CACNA1D: variants seen among roughly 807,000 people sequenced by gnomAD.
CACNA1D encodes the protein voltage-dependent L-type calcium channel subunit alpha-1D.
Under a neutral mutation model 257.1 loss-of-function variants are expected in CACNA1D, and 55 were observed. The ratio of observed to expected loss-of-function variants is 0.21; its 90% CI spans 0.17 to 0.27. CACNA1D has a LOEUF of 0.27. Among genes scored for constraint, CACNA1D ranks in the 10% least tolerant of loss-of-function variants. The pLI is 1.00. For missense variants in CACNA1D, 1,876 were observed against 2,784.0 expected, an observed-to-expected ratio of 0.67 and a Z score of 7.34; for synonymous variants, 980 against 1,014.9, an observed-to-expected ratio of 0.97 and a Z score of 0.65.
intron 3 of CACNA1D, among the ~76,000 whole-genome samples, chr3:53,536,057 A>G (rs1428153992): frequency 6.6e-6 from 1 of 152,170 alleles, no homozygotes; most frequent in Non-Finnish European, 1.5e-5. Context: ...GGTTGGTTTC[A>G]TTATAATGTA....
At chr3:53,560,610 T>C (rs752418634) in intron 3 of CACNA1D, among the ~76,000 whole-genome samples, 1 of 152,374 alleles carries the variant, frequency 6.6e-6, no homozygotes, top group Non-Finnish European at 1.5e-5. Flanking sequence ...TCATAGTCTC[T>C]GTCATAACTT....
At chr3:53,716,876 C>T (rs959921874) in intron 9 of CACNA1D, among the ~76,000 whole-genome samples, 12 of 152,314 alleles carry the variant, frequency 7.9e-5, no homozygotes, top group African/African-American at 2.6e-4. Flanking sequence ...CCACTGGGTT[C>T]CTTGAGCCAG....
chr3:53,573,007 T>G (rs1470026967), intron 3 of CACNA1D, among the ~76,000 whole-genome samples: 1 of 152,246 alleles, frequency 6.6e-6, no homozygotes, highest in African/African-American at 2.4e-5. Context: ...CATTTCAGTG[T>G]CCTTTGAATG....
rs963234247 is a variant in CACNA1D, at chr3:53,660,375, G to A, written c.766+100G>A. 8.6e-6 allele frequency: 10 copies of A among 1,165,638 alleles called. No individual in the cohort carries two copies. In the African/African-American group the frequency reaches 1.3e-4, roughly 16 times the overall value. 72.2% of individuals were successfully genotyped at this position (1,165,638 alleles called of 1,614,324 possible). On this transcript the variant is annotated intron_variant, in intron 5 of 47. Coordinates refer to ENST00000350061, the MANE Select transcript of CACNA1D (RefSeq NM_001128840.3). ...CTTTGAGGTGAGTTGCTCTGTGCCA[G>A]CCAGGGGTCAGCAGATGACCATGGC...
chr3:53,693,396 T>C (rs560831276), intron 8 of CACNA1D, among the ~76,000 whole-genome samples: 2 of 151,956 alleles, frequency 1.3e-5, no homozygotes, highest in Non-Finnish European at 2.9e-5. Flanking sequence ...TTTGATGAAC[T>C]ATGAGCTGAG....
intron 22 of CACNA1D, among the ~76,000 whole-genome samples, chr3:53,743,787 G>C (rs2095139887): frequency 6.6e-6 from 1 of 152,146 alleles, no homozygotes; most frequent in South Asian, 2.1e-4. Context: ...TTCAGGTGCT[G>C]AGCATAGAAT....
At chr3:53,744,507 T>C (rs1387217282) in intron 22 of CACNA1D, among the ~76,000 whole-genome samples, 1 of 152,212 alleles carries the variant, frequency 6.6e-6, no homozygotes, top group African/African-American at 2.4e-5. Flanking sequence ...AGGTTAGCTG[T>C]GCACCTGTCA....
rs546518136 is a variant in CACNA1D at position 53,755,710 on chromosome 3, C to G, written c.3786+2028C>G. On this transcript the variant is annotated intron_variant, in intron 29 of 47. Transcript: ENST00000350061. ...AAGAGCACTGTCACTGCGTTCCCCCCGGCCAGGGGAGGTTGAGTTTATATC... is the reference window on the plus strand; with the variant it reads ...AAGAGCACTGTCACTGCGTTCCCCCGGGCCAGGGGAGGTTGAGTTTATATC... Among the ~76,000 whole-genome samples, 5 of 152,058 alleles carry G rather than the reference C, an allele frequency of 3.3e-5. No individual in the cohort carries two copies. The South Asian group carries it at 1.0e-3, about 32-fold the overall frequency.
At chr3:53,563,246 A>C (rs962042289) in intron 3 of CACNA1D, among the ~76,000 whole-genome samples, 4 of 152,102 alleles carry the variant, frequency 2.6e-5, no homozygotes, top group Admixed American at 2.6e-4. Flanking sequence ...TTATCAGGCC[A>C]GGCACGGTGG....
chr3:53,505,370 A>G (rs1299870711), intron 3 of CACNA1D, among the ~76,000 whole-genome samples: 1 of 152,022 alleles, frequency 6.6e-6, no homozygotes, highest in Non-Finnish European at 1.5e-5. Context: ...CGGCCTCCCA[A>G]AGTGCTGGAA....
At chr3:53,682,364 G>GGAAAAAA (rs1438838499) in intron 8 of CACNA1D, among the ~76,000 whole-genome samples, 2 of 21,836 alleles carry the variant, frequency 9.2e-5, no homozygotes, top group African/African-American at 3.2e-4. Context: ...TTTGTCTCTG[G>GGAAAAAA]TAAAAAAAAA....
At position 53,793,631 on chromosome 3, in the gene CACNA1D, G is replaced by A. The variant is rs1472023197; in HGVS notation, c.4924-6618G>A. On this transcript the variant is annotated intron_variant, in intron 40 of 47. Coordinates refer to ENST00000350061, the MANE Select transcript of CACNA1D (RefSeq NM_001128840.3). The surrounding 1 kb of genome is among the most constrained non-coding windows in gnomAD (Gnocchi z 4.1). ...TTAGGGAGTGATTTAAATGGAACAA[G>A]AGAGTCTTCTCCACTTGGGCCTGGC... Among the ~76,000 whole-genome samples the A allele has an allele frequency of 2.0e-5, 3 of 152,226 alleles. No homozygotes were observed. Among genetic ancestry groups the A allele is most frequent in the Non-Finnish European group, 4.4e-5 (3 of 68,048 alleles).
intron 9 of CACNA1D, among the ~76,000 whole-genome samples, chr3:53,709,876 C>A (rs1027674801): frequency 1.3e-5 from 2 of 152,216 alleles, no homozygotes; most frequent in Non-Finnish European, 2.9e-5. Context: ...TTATTATTGA[C>A]ATCTTACAGG....
chr3:53,503,259 T>C (rs1174368881), intron 3 of CACNA1D, among the ~76,000 whole-genome samples: 2 of 152,222 alleles, frequency 1.3e-5, no homozygotes, highest in African/African-American at 2.4e-5. Context: ...TGGTAGTATA[T>C]ATTTGGACAA....
chr3:53,587,818 G>T (rs1230940409), intron 3 of CACNA1D, among the ~76,000 whole-genome samples: 3 of 152,196 alleles, frequency 2.0e-5, no homozygotes, highest in African/African-American at 7.2e-5. Flanking sequence ...AATGTAAAAG[G>T]AGAATCTGGT....
At chr3:53,691,341 T>C (rs2094517655) in intron 8 of CACNA1D, among the ~76,000 whole-genome samples, 1 of 152,108 alleles carries the variant, frequency 6.6e-6, no homozygotes, top group Admixed American at 6.6e-5. Flanking sequence ...GGTTTCCCTA[T>C]GTTGGCCAGG....
intron 32 of CACNA1D, among the ~76,000 whole-genome samples, chr3:53,772,008 G>A (rs540695859): frequency 2.6e-5 from 4 of 152,302 alleles, no homozygotes; most frequent in Non-Finnish European, 4.4e-5. Context: ...TAGAGAAAGC[G>A]GGTGCTTTAA....
intron 39 of CACNA1D, 141 bp from the exon 40 acceptor site, chr3:53,786,681 T>C (rs1369529790): frequency 2.7e-6 from 2 of 743,684 alleles, no homozygotes; most frequent in African/African-American, 1.7e-5. Flanking sequence ...CTGTGTTATA[T>C]GCTGAGACCT....
intron 9 of CACNA1D, among the ~76,000 whole-genome samples, chr3:53,714,256 G>T (rs2094794845): frequency 6.6e-6 from 1 of 152,170 alleles, no homozygotes; most frequent in Admixed American, 6.5e-5. Context: ...TCGGCAATGT[G>T]GGGAGGTCTG....
Sources: allele counts gnomAD v4.1 joint callset (sites outside exome capture counted in the v4.1 genomes callset), GRCh38; gene constraint gnomAD v4.1.1; non-coding constraint Gnocchi (gnomAD v3.1); transcripts MANE v1.5; gene names NCBI Gene and HGNC (gene_info 2026-07-23, HGNC 2026-07-21).